Variants in MOBP observed in about 807,000 individuals in gnomAD.
MOBP encodes myelin associated oligodendrocyte basic protein.
MOBP carries 5 observed loss-of-function variants against 15.0 expected under a neutral mutation model. That is an observed-to-expected ratio of 0.33 (90% CI 0.17 to 0.70). The LOEUF (loss-of-function observed/expected upper bound fraction) is 0.70, where lower values mean the gene tolerates loss of function less well. MOBP is among the 30% of genes least tolerant of loss of function. MOBP has a pLI of 0.67. For synonymous variants in MOBP, 88 were observed against 99.0 expected, an observed-to-expected ratio of 0.89 and a Z score of 0.66; for missense variants, 188 against 257.8, an observed-to-expected ratio of 0.73 and a Z score of 1.85.
chr3:39,486,939 T>C (rs1322366578), intron 2 of MOBP, among the ~76,000 whole-genome samples: 1 of 146,044 alleles, frequency 6.8e-6, no homozygotes, highest in Non-Finnish European at 1.5e-5. Context: ...TTTTTTTTTT[T>C]TTTTTAACTT....
chr3:39,512,580 G>A (rs2043133641), intron 4 of MOBP, among the ~76,000 whole-genome samples: 1 of 152,066 alleles, frequency 6.6e-6, no homozygotes, highest in Non-Finnish European at 1.5e-5. Context: ...TTTAAAAATG[G>A]TATTGCTAAT....
chr3:39,473,747 G>C (rs940264570), intron 1 of MOBP, among the ~76,000 whole-genome samples: 2 of 152,254 alleles, frequency 1.3e-5, no homozygotes, highest in South Asian at 2.1e-4. Context: ...AGAGCATCAA[G>C]AAAGAATACA....
chr3:39,497,296 T>C (rs959546287), intron 2 of MOBP, among the ~76,000 whole-genome samples: 15 of 152,226 alleles, frequency 9.9e-5, no homozygotes, highest in Non-Finnish European at 2.9e-5. Flanking sequence ...GTTTCTGTTG[T>C]TGTGAAGTCT....
At chr3:39,493,019 T>C (rs1575301309) in intron 2 of MOBP, among the ~76,000 whole-genome samples, 1 of 152,226 alleles carries the variant, frequency 6.6e-6, no homozygotes, top group African/African-American at 2.4e-5. Context: ...GCAAGTGGGC[T>C]GCAGCATGTC....
intron 2 of MOBP, among the ~76,000 whole-genome samples, chr3:39,500,369 C>A (rs1335759920): frequency 1.3e-5 from 2 of 152,070 alleles, no homozygotes; most frequent in African/African-American, 4.8e-5. Flanking sequence ...ATTTATTACA[C>A]CTTAAATAAC....
At chr3:39,498,025 G>T (rs1483499078) in intron 2 of MOBP, among the ~76,000 whole-genome samples, 1 of 152,238 alleles carries the variant, frequency 6.6e-6, no homozygotes, top group African/African-American at 2.4e-5. Context: ...GGGTTACAAT[G>T]TACCCATCCG....
intron 1 of MOBP, among the ~76,000 whole-genome samples, chr3:39,469,647 C>T: frequency 6.6e-6 from 1 of 152,070 alleles, no homozygotes; most frequent in East Asian, 1.9e-4. Flanking sequence ...CTAAATGTCC[C>T]TCAATATGGG....
At chr3:39,516,206 G>C (rs1282783485), downstream of MOBP, among the ~76,000 whole-genome samples, 6 of 152,208 alleles carry the variant, frequency 3.9e-5, no homozygotes, top group Non-Finnish European at 5.9e-5. Context: ...GACCACGAAG[G>C]AAGGCAGAGG....
downstream of MOBP, chr3:39,528,117 C>G (rs1450010046): frequency 5.3e-5 from 8 of 152,058 alleles, no homozygotes; most frequent in Admixed American, 2.0e-4. Context: ...GATTCATAAA[C>G]TTTTTATTAG....
intron 2 of MOBP, among the ~76,000 whole-genome samples, chr3:39,483,008 C>T (rs567923150): frequency 1.3e-5 from 2 of 152,142 alleles, no homozygotes; most frequent in Non-Finnish European, 2.9e-5. Context: ...AGTTAAGATC[C>T]TCAACTATAT....
chr3:39,486,305 G>A (rs536415762), intron 2 of MOBP, among the ~76,000 whole-genome samples: 6 of 152,244 alleles, frequency 3.9e-5, no homozygotes, highest in East Asian at 1.9e-4. Context: ...AGTTAAATAC[G>A]TGAAGCCCTT....
At chr3:39,490,495 A>T (rs973392969) in intron 2 of MOBP, among the ~76,000 whole-genome samples, 9 of 152,162 alleles carry the variant, frequency 5.9e-5, no homozygotes, top group African/African-American at 2.2e-4. Flanking sequence ...AATGTTAGAC[A>T]CTTCCTCTTG....
chr3:39,477,419 A>T (rs1013970862), intron 1 of MOBP, among the ~76,000 whole-genome samples: 5 of 151,956 alleles, frequency 3.3e-5, no homozygotes, highest in Admixed American at 3.3e-4. Context: ...ATAGCACAAC[A>T]CATTACTCAT....
At chr3:39,468,364 G>C (rs1277306730) in intron 1 of MOBP, among the ~76,000 whole-genome samples, 3 of 152,144 alleles carry the variant, frequency 2.0e-5, no homozygotes, top group Admixed American at 2.0e-4. Flanking sequence ...TATGTGTCAG[G>C]GAGGCGAGTA....
chr3:39,481,845 A>G (rs1420616604), intron 2 of MOBP, among the ~76,000 whole-genome samples: 1 of 152,230 alleles, frequency 6.6e-6, no homozygotes, highest in African/African-American at 2.4e-5. Flanking sequence ...GAATCATTCT[A>G]CAAAGTTGAG....
downstream of MOBP, chr3:39,527,872 A>G (rs879069903): frequency 6.6e-6 from 1 of 152,360 alleles, no homozygotes; most frequent in South Asian, 2.1e-4. Context: ...TTCCTTTCAG[A>G]TATTGGTGCT....
intron 1 of MOBP, among the ~76,000 whole-genome samples, chr3:39,472,102 C>T (rs1186085310): frequency 6.6e-6 from 1 of 152,216 alleles, no homozygotes; most frequent in Non-Finnish European, 1.5e-5. Context: ...GTAAGAGAAC[C>T]TCTGTTTGGA....
At chr3:39,491,777 A>G (rs1363291822) in intron 2 of MOBP, among the ~76,000 whole-genome samples, 1 of 152,236 alleles carries the variant, frequency 6.6e-6, no homozygotes. Flanking sequence ...AATAGGAAAG[A>G]AGAGAAAAAG....
intron 2 of MOBP, among the ~76,000 whole-genome samples, chr3:39,485,983 T>C (rs2042701721): frequency 6.6e-6 from 1 of 152,256 alleles, no homozygotes; most frequent in Admixed American, 6.5e-5. Context: ...ACATCCTGGT[T>C]ACTAAAACTT....
Sources: gnomAD v4.1 joint callset for allele counts (sites outside exome capture counted in the v4.1 genomes callset) on GRCh38, gnomAD v4.1.1 for gene constraint, MANE v1.5 for transcripts, NCBI Gene and HGNC (gene_info 2026-07-23, HGNC 2026-07-21) for gene names.